Variants in RBCK1 observed in about 807,000 individuals in gnomAD.
The protein encoded by RBCK1 is ranBP-type and C3HC4-type zinc finger-containing protein 1.
A neutral mutation model predicts 71.1 loss-of-function variants in RBCK1; 44 were observed. That is an observed-to-expected ratio of 0.62 (90% CI 0.49 to 0.80). RBCK1 has a LOEUF of 0.80. RBCK1 is among the 30% of genes least tolerant of loss of function. The pLI is 0.00. For missense variants in RBCK1, 569 were observed against 685.0 expected (o/e 0.83, Z 1.89); for synonymous variants, 306 against 279.7 (o/e 1.09, Z -0.94).
chr20:418,590 G>C (rs144851771), intron 4 of RBCK1, among the ~76,000 whole-genome samples: 275 of 152,122 alleles, frequency 1.8e-3, no homozygotes, highest in South Asian at 3.3e-3. Context: ...GGATGGTCTC[G>C]ATCTCCTGAC....
chr20:409,988 C>A lies in RBCK1; in HGVS notation c.130C>A (p.Gln44Lys). ...LAEQRVPLSV[Q>K]LKPEVSPTQD... ...AGAGCAACGGGTGCCCCTGAGTGTG[C>A]AACTGAAGCCTGAGGTCTCCCCAAC... The change falls in exon 2 of 12, where the codon CAA (glutamine) becomes AAA (lysine). Residue 44 changes from glutamine to lysine, a missense_variant. Around this residue, in one of 2 missense-constraint regions of RBCK1, gnomAD observed 358 missense variants for 375.6 expected, o/e 0.95. Transcript: ENST00000356286. The A allele has an allele frequency of 6.2e-7, 1 of 1,614,164 alleles. No individual in the cohort carries two copies. The highest frequency in any genetic ancestry group is 8.5e-7 in the Non-Finnish European group (1 of 1,180,024).
intron 4 of RBCK1, among the ~76,000 whole-genome samples, chr20:418,190 C>T (rs76085570): frequency 0.02 from 3,014 of 152,298 alleles, 89 homozygotes; most frequent in African/African-American, 0.067. Flanking sequence ...CAAGGTTGCT[C>T]CTATCTGCTG....
intron 2 of RBCK1, among the ~76,000 whole-genome samples, 196 bp downstream of exon 2, chr20:410,221 G>C (rs116903696): frequency 1.3e-5 from 2 of 152,136 alleles, no homozygotes; most frequent in African/African-American, 2.4e-5. Context: ...AAATCAGACC[G>C]TAACAGTAGC....
chr20:417,714 T>G lies in RBCK1; in HGVS notation c.262-18T>G. On this transcript the variant is annotated intron_variant, in intron 3 of 11. Coordinates refer to ENST00000356286, the MANE Select transcript of RBCK1 (RefSeq NM_031229.4). The surrounding 1 kb of genome is among the most constrained non-coding windows in gnomAD (Gnocchi z 4.7). ...TCTGGCCCTCCCTTCCCACTCTCCC[T>G]CTCTTTGCCCCCACCAGGTTTTTCT... The G allele has an allele frequency of 6.2e-7, 1 of 1,607,798 alleles. No individual in the cohort carries two copies. The highest frequency in any genetic ancestry group is 2.2e-5 in the East Asian group (1 of 44,706).
At chr20:411,215 C>G (rs950194526) in intron 2 of RBCK1, among the ~76,000 whole-genome samples, 5 of 152,090 alleles carry the variant, frequency 3.3e-5, no homozygotes, top group Non-Finnish European at 5.9e-5. Context: ...ACTTCATTCC[C>G]CTTTTTTTTT....
rs778770852 is a variant in RBCK1 at position 428,519 on chromosome 20, A to G, written c.1238A>G (p.Glu413Gly). The G allele has an allele frequency of 1.1e-5, 18 of 1,611,722 alleles. 1 individual carries two copies. In the South Asian group the frequency reaches 1.9e-4, roughly 17 times the overall value. Residue 413 changes from glutamate (E) to glycine (G), a missense_variant, in exon 10 of 12, where the codon GAG becomes GGG. Transcript: ENST00000356286. The surrounding 1 kb of genome is among the most constrained non-coding windows in gnomAD (Gnocchi z 5.7). ...ATCCATGAGCAGATGAACTGCAAGG[A>G]GTATCAGGAGGACCTGGCCCTGCGG... is the stretch of plus-strand genomic sequence containing the variant. The part of the protein sequence containing the change: ...KAIHEQMNCK[E>G]YQEDLALRAQ...
intron 2 of RBCK1, among the ~76,000 whole-genome samples, chr20:414,747 G>A (rs1161988319): frequency 6.6e-6 from 1 of 152,194 alleles, no homozygotes; most frequent in Admixed American, 6.5e-5. Flanking sequence ...TAGTGCAGTT[G>A]AAACCATATG....
chr20:417,750 T>G lies in RBCK1; in HGVS notation c.280T>G (p.Phe94Val). ...CCACCAGGTTTTTCTGGACTATGGC[T>G]TCCCACCAGTCTTGCAGCAGTGGGT... The part of the protein sequence containing the change: ...LKDMVFLDYG[F>V]PPVLQQWVIG... The change falls in exon 4 of 12, where the codon TTC becomes GTC. Residue 94 changes from phenylalanine (F) to valine (V), a missense_variant. This residue lies in a region of RBCK1 where 358 missense variants were observed against 375.6 expected (regional missense o/e 0.95). Transcript: ENST00000356286. The surrounding 1 kb of genome is among the most constrained non-coding windows in gnomAD (Gnocchi z 4.7). 1 of 1,613,478 alleles carries G rather than the reference T, an allele frequency of 6.2e-7. No individual in the cohort carries two copies. Among genetic ancestry groups the G allele is most frequent in the East Asian group, 2.2e-5 (1 of 44,868 alleles).
intron 9 of RBCK1, 94 bp downstream of exon 9, chr20:427,586 G>A: frequency 7.4e-7 from 1 of 1,356,220 alleles, no homozygotes; most frequent in Non-Finnish European, 1.0e-6. Context: ...AGGGAGCTGT[G>A]ACACTGGCCT....
In RBCK1 at chr20:430,300, G is replaced by T; in HGVS notation, c.1453-50G>T. On this transcript the variant is annotated intron_variant, in intron 11 of 11. Transcript: ENST00000356286. This position sits in a 1 kb window ranked among gnomAD's most constrained non-coding sequence, Gnocchi z 5.6. Reference sequence around the variant, plus strand: ...GGTGGGAGAGCGCTCGGCTGTGGGGGCAGTCTCTGCACTGCGCTGACATTC... The same window carrying T: ...GGTGGGAGAGCGCTCGGCTGTGGGGTCAGTCTCTGCACTGCGCTGACATTC... The T allele has an allele frequency of 6.7e-7, 1 of 1,498,020 alleles. No homozygotes were observed. The highest frequency in any genetic ancestry group is 9.3e-7 in the Non-Finnish European group (1 of 1,076,858). 92.8% of individuals were successfully genotyped at this position (1,498,020 alleles called of 1,614,324 possible).
At position 430,667 on chromosome 20, in the gene RBCK1, C is replaced by A. The variant is rs1156623429; in HGVS notation, c.*237C>A. On this transcript the variant is annotated 3_prime_UTR_variant, in exon 12 of 12. Transcript: ENST00000356286. This position sits in a 1 kb window ranked among gnomAD's most constrained non-coding sequence, Gnocchi z 5.6. ...TGCCTGACCCCAGCCTTAAACATAG[C>A]CCCTGGCCAGAGGCCTTGCTGGGTG... is the stretch of plus-strand genomic sequence containing the variant. 8 of 567,604 alleles carry A rather than the reference C, an allele frequency of 1.4e-5. No homozygotes were observed. Among genetic ancestry groups the A allele is most frequent in the Non-Finnish European group, 2.5e-5 (8 of 316,572 alleles). The allele number at this position is 567,604 out of a possible 1,614,324, so 35.2% of individuals were successfully genotyped here. A position where few individuals can be genotyped will look rare whatever the true frequency, so the allele number is the denominator to read the frequency against.
intron 8 of RBCK1, among the ~76,000 whole-genome samples, chr20:425,904 C>T (rs567411576): frequency 1.5e-4 from 23 of 152,188 alleles, no homozygotes; most frequent in Middle Eastern, 3.4e-3. Context: ...AGATTACAGG[C>T]GTGATCCATC....
Position 408,687 on chromosome 20 carries a change from C to T in RBCK1, c.-71C>T. ...AGTTGCTCCTGGTCTCCCGCCTCTC[C>T]CAGGCGACCCGGAGGTAGCATTTCC... On this transcript the variant is annotated 5_prime_UTR_variant, in exon 1 of 12. Coordinates refer to ENST00000356286, the MANE Select transcript of RBCK1 (RefSeq NM_031229.4). The T allele has an allele frequency of 6.3e-7, 1 of 1,593,158 alleles. No individual in the cohort carries two copies. Among genetic ancestry groups the T allele is most frequent in the South Asian group, 1.1e-5 (1 of 87,948 alleles).
chr20:411,643 A>G (rs1430376167), intron 2 of RBCK1, among the ~76,000 whole-genome samples: 2 of 151,996 alleles, frequency 1.3e-5, no homozygotes, highest in Non-Finnish European at 2.9e-5. Flanking sequence ...CTGGGACTAC[A>G]GGCGTGAGCC....
chr20:418,493 G>A (rs568266212), intron 4 of RBCK1, among the ~76,000 whole-genome samples: 59 of 151,462 alleles, frequency 3.9e-4, no homozygotes, highest in African/African-American at 1.2e-3. Flanking sequence ...CTCAGCCTCC[G>A]GAGTAGCTGG....
At chr20:410,293 A>C in intron 2 of RBCK1, 3 of 665,828 alleles carry the variant, frequency 4.5e-6, no homozygotes, top group Non-Finnish European at 8.2e-6. Flanking sequence ...ACAACAGAAG[A>C]AAACGGAACA....
At chr20:429,935 TG>T (rs1477258066) in intron 11 of RBCK1, among the ~76,000 whole-genome samples, 1 of 151,934 alleles carries the variant, frequency 6.6e-6, no homozygotes, top group Non-Finnish European at 1.5e-5. Context: ...CAGAATCAAG[TG>T]GAAAAATTGC....
At chr20:421,147 CT>C in intron 7 of RBCK1, 116 bp downstream of exon 7, 1 of 1,296,930 alleles carries the variant, frequency 7.7e-7, no homozygotes, top group Non-Finnish European at 1.0e-6. Flanking sequence ...CCGCGAAAAC[CT>C]ACGAGGTAGG....
chr20:420,385 A>T, intron 6 of RBCK1: 2 of 982,330 alleles, frequency 2.0e-6, no homozygotes, highest in Non-Finnish European at 2.4e-6. Context: ...TTCCCCTTGG[A>T]CCCGGTGCTG....
Sources: allele counts gnomAD v4.1 joint callset (sites outside exome capture counted in the v4.1 genomes callset), GRCh38; gene constraint gnomAD v4.1.1; regional missense constraint gnomAD v4.1.1; non-coding constraint Gnocchi (gnomAD v3.1); transcripts MANE v1.5; gene names NCBI Gene and HGNC (gene_info 2026-07-23, HGNC 2026-07-21).